Variants in HDAC9 observed in about 807,000 individuals in gnomAD.
HDAC9 encodes MEF-2 interacting transcription repressor (MITR) protein.
A neutral mutation model predicts 139.4 loss-of-function variants in HDAC9; 41 were observed. The ratio of observed to expected loss-of-function variants is 0.29; its 90% CI spans 0.23 to 0.38. The LOEUF (loss-of-function observed/expected upper bound fraction) is 0.38. Among genes scored for constraint, HDAC9 ranks in the 10% least tolerant of loss-of-function variants. The probability of loss-of-function intolerance (pLI) is 1.00; values close to 1 mark genes in which losing one functional copy is unlikely to be tolerated. For missense variants in HDAC9, 1,147 were observed against 1,297.0 expected, an observed-to-expected ratio of 0.88 and a Z score of 1.78; for synonymous variants, 517 against 476.2, an observed-to-expected ratio of 1.09 and a Z score of -1.12.
At chr7:18,669,005 A>G (rs1490863027) in intron 12 of HDAC9, among the ~76,000 whole-genome samples, 1 of 151,384 alleles carries the variant, frequency 6.6e-6, no homozygotes, top group Non-Finnish European at 1.5e-5. Flanking sequence ...AAAACAATAA[A>G]TTCAGCAATA....
chr7:18,865,303 G>A (rs1798408549), intron 21 of HDAC9, among the ~76,000 whole-genome samples: 1 of 152,156 alleles, frequency 6.6e-6, no homozygotes, highest in Non-Finnish European at 1.5e-5. Context: ...TTGACAATAG[G>A]ATTCCTTGGA....
intron 1 of HDAC9, among the ~76,000 whole-genome samples, chr7:18,145,172 C>G (rs1786214457): frequency 6.6e-6 from 1 of 152,206 alleles, no homozygotes; most frequent in African/African-American, 2.4e-5. Context: ...TTGATATGGA[C>G]TATATGTCAT....
At chr7:18,727,555 T>A (rs1189090769) in intron 12 of HDAC9, 25 bp from the exon 13 acceptor site, 1 of 1,565,980 alleles carries the variant, frequency 6.4e-7, no homozygotes, top group Non-Finnish European at 8.7e-7. Flanking sequence ...CATTTCTTTC[T>A]ACTGTGCTCT....
At chr7:18,422,654 G>A (rs1314272707) in intron 1 of HDAC9, among the ~76,000 whole-genome samples, 1 of 151,750 alleles carries the variant, frequency 6.6e-6, no homozygotes, top group African/African-American at 2.4e-5. Context: ...CATGGGAAAG[G>A]AAGGAATCAC....
Position 18,732,562 on chromosome 7 carries a change from T to C in HDAC9, c.1909+4805T>C, listed in dbSNP as rs369437660. On this transcript the variant is annotated intron_variant, in intron 13 of 25. Transcript: ENST00000686413. Reference sequence around the variant, plus strand: ...TGTGTATATAATGTATATACACACGTGTATATATGTGCATGTGTATATACA... The same window carrying C: ...TGTGTATATAATGTATATACACACGCGTATATATGTGCATGTGTATATACA... Among the ~76,000 whole-genome samples, 779 of 112,576 alleles carry C rather than the reference T, an allele frequency of 6.9e-3. 86 individuals are homozygous for C. The highest frequency in any genetic ancestry group is 0.01 in the Non-Finnish European group (591 of 57,162). The allele number at this position is 112,576 out of a possible 152,430, so 73.9% of individuals were successfully genotyped here. A position where few individuals can be genotyped will look rare whatever the true frequency, so the allele number is the denominator to read the frequency against.
Position 18,586,744 on chromosome 7 carries a change from C to G in HDAC9, c.264+1222C>G, listed in dbSNP as rs375336321. ...TTATTTCTTTTAGTAGTGAACTTTC[C>G]AAAAAGAACTCTTGTATATTATTGA... On this transcript the variant is annotated intron_variant, in intron 3 of 25. Transcript: ENST00000686413. Among the ~76,000 whole-genome samples, 223 of 152,032 alleles carry G rather than the reference C, an allele frequency of 1.5e-3. 3 individuals are homozygous for G. Among genetic ancestry groups the G allele is most frequent in the Middle Eastern group, 0.014 (4 of 292 alleles).
chr7:18,159,047 A>G (rs1787431726), intron 1 of HDAC9, among the ~76,000 whole-genome samples: 2 of 152,230 alleles, frequency 1.3e-5, no homozygotes, highest in African/African-American at 4.8e-5. Flanking sequence ...AAGAACCAAA[A>G]TAACCATTCC....
intron 2 of HDAC9, among the ~76,000 whole-genome samples, chr7:18,193,495 G>A (rs574343112): frequency 2.0e-5 from 3 of 152,074 alleles, no homozygotes; most frequent in Admixed American, 1.3e-4. Context: ...AGGGGGTTTC[G>A]TTTGTCAAAG....
chr7:18,213,352 A>G (rs923863596), intron 2 of HDAC9, among the ~76,000 whole-genome samples: 3 of 152,106 alleles, frequency 2.0e-5, no homozygotes, highest in African/African-American at 7.2e-5. Flanking sequence ...TCATATTTGA[A>G]ATTATGTTGC....
chr7:18,561,015 G>GT (rs1396787282), intron 2 of HDAC9, among the ~76,000 whole-genome samples: 1 of 152,082 alleles, frequency 6.6e-6, no homozygotes, highest in Non-Finnish European at 1.5e-5. Context: ...CTTACATACT[G>GT]TATCAGTCAG....
chr7:18,373,866 A>G (rs1784775574), intron 1 of HDAC9, among the ~76,000 whole-genome samples: 1 of 152,146 alleles, frequency 6.6e-6, no homozygotes, highest in Non-Finnish European at 1.5e-5. Flanking sequence ...TTGTGACTCC[A>G]GTTTTTTTTG....
At chr7:18,917,859 A>AAGCCTATTC (rs771477459) in intron 22 of HDAC9, among the ~76,000 whole-genome samples, 6 of 152,064 alleles carry the variant, frequency 3.9e-5, no homozygotes, top group Non-Finnish European at 7.4e-5. Context: ...ATGCAATGGA[A>AAGCCTATTC]AGCCTATTCA....
intron 2 of HDAC9, chr7:18,578,327 C>T (rs754505845): frequency 3.2e-4 from 147 of 462,620 alleles, no homozygotes; most frequent in Non-Finnish European, 4.6e-4. Flanking sequence ...TGTTAGCCTG[C>T]GGAAAGAAGC....
chr7:18,835,720 C>A, intron 20 of HDAC9, 134 bp downstream of exon 20: 1 of 1,271,618 alleles, frequency 7.9e-7, no homozygotes, highest in African/African-American at 1.5e-5. Context: ...CCCATGGGAC[C>A]AAGAACCAGT....
intron 2 of HDAC9, among the ~76,000 whole-genome samples, chr7:18,176,816 T>G (rs1226436989): frequency 6.6e-6 from 1 of 152,208 alleles, no homozygotes; most frequent in Admixed American, 6.5e-5. Flanking sequence ...TGCTTCCTTT[T>G]TTATTAAAGA....
chr7:18,661,366 TTCTAGA>T (rs935127810), intron 11 of HDAC9, among the ~76,000 whole-genome samples: 10 of 152,254 alleles, frequency 6.6e-5, no homozygotes, highest in African/African-American at 2.4e-4. Context: ...CTATTAGATA[TTCTAGA>T]TCTAAGAAAA....
chr7:18,650,908 CAT>C (rs1789019909), intron 11 of HDAC9, among the ~76,000 whole-genome samples: 1 of 152,134 alleles, frequency 6.6e-6, no homozygotes, highest in Non-Finnish European at 1.5e-5. Flanking sequence ...GGATGTATTC[CAT>C]ATGTTTCATC....
chr7:18,444,520 AT>A (rs1792114354), intron 1 of HDAC9, among the ~76,000 whole-genome samples: 1 of 152,012 alleles, frequency 6.6e-6, no homozygotes, highest in Admixed American at 6.6e-5. Context: ...TCCCATACTC[AT>A]CTTAGTACTT....
intron 2 of HDAC9, among the ~76,000 whole-genome samples, chr7:18,249,401 G>A (rs1273393652): frequency 6.6e-6 from 1 of 150,820 alleles, no homozygotes; most frequent in East Asian, 2.0e-4. Flanking sequence ...TAGTCGGGAG[G>A]CTGAGGTGTG....
Sources: gnomAD v4.1 joint callset for allele counts (sites outside exome capture counted in the v4.1 genomes callset) on GRCh38, gnomAD v4.1.1 for gene constraint, MANE v1.5 for transcripts, NCBI Gene and HGNC (gene_info 2026-07-23, HGNC 2026-07-21) for gene names.